LSR: variants seen among roughly 807,000 people sequenced by gnomAD.
LSR encodes the protein lipolysis-stimulated lipoprotein receptor.
LSR carries 44 observed loss-of-function variants against 61.8 expected under a neutral mutation model. That is an observed-to-expected ratio of 0.71 (90% confidence interval 0.56 to 0.91). The LOEUF (loss-of-function observed/expected upper bound fraction) is 0.91. Among genes scored for constraint, LSR ranks in the 40% least tolerant of loss-of-function variants. The pLI, the probability that LSR is intolerant of heterozygous loss-of-function variation, is 0.00. For missense variants in LSR, 911 were observed against 830.5 expected, an observed-to-expected ratio of 1.10 and a Z score of -1.19; for synonymous variants, 397 against 350.6, an observed-to-expected ratio of 1.13 and a Z score of -1.48.
At chr19:35,262,778 A>G (rs1234239575) in intron 5 of LSR, 86 bp downstream of exon 5, 4 of 1,532,104 alleles carry the variant, frequency 2.6e-6, no homozygotes, top group Non-Finnish European at 3.5e-6. Context: ...CCCCCAGGAC[A>G]GTGGCGTTGG....
intron 3 of LSR, among the ~76,000 whole-genome samples, chr19:35,260,676 A>C (rs2065915606): frequency 6.6e-6 from 1 of 152,080 alleles, no homozygotes; most frequent in African/African-American, 2.4e-5. Context: ...AAAATTTTAA[A>C]ATTAACCAGG....
Position 35,259,083 on chromosome 19 carries a change from GGGGAGGCATGGCCCTTCCT to G in LSR, c.574+20_574+38del. The G allele has an allele frequency of 6.2e-7, 1 of 1,608,722 alleles. No homozygotes were observed. Among genetic ancestry groups the G allele is most frequent in the Non-Finnish European group, 8.5e-7 (1 of 1,176,628 alleles). On this transcript the variant is annotated intron_variant, in intron 3 of 9. Coordinates refer to ENST00000605618, the MANE Select transcript of LSR (RefSeq NM_205834.4). ...GTCCTTGGTGAGTGGGCCTGGGAAGGGGGAGGCATGGCCCTTCCTTTTGTCCGCTTCTGTTCTGTCTGCC... is the reference window on the plus strand; with the variant it reads ...GTCCTTGGTGAGTGGGCCTGGGAAGGTTTGTCCGCTTCTGTTCTGTCTGCC...
rs1224478532 is a variant in LSR, at chr19:35,267,340, A to T, written c.1376A>T (p.Glu459Val). Reference protein sequence around the residue: ...LDDLTPPSTAESGSRSPTSNG... With the variant: ...LDDLTPPSTAVSGSRSPTSNG... ...GACCTCACCCCGCCGAGCACCGCCG[A>T]GTCAGGGAGCAGGTCTCCCACGAGT... Residue 459 changes from glutamate to valine, a missense_variant, in exon 9 of 10, where the codon GAG becomes GTG. By Grantham distance (121) the Glu-to-Val change is moderately radical. Coordinates refer to ENST00000605618, the MANE Select transcript of LSR (RefSeq NM_205834.4). 6.4e-7 allele frequency: 1 copy of T among 1,574,322 alleles called. No individual in the cohort carries two copies. The highest frequency in any genetic ancestry group is 8.6e-7 in the Non-Finnish European group (1 of 1,160,486).
Position 35,266,448 on chromosome 19 carries a change from C to G in LSR, c.868C>G (p.Pro290Ala), listed in dbSNP as rs753038064. The change falls in exon 6 of 10, where the codon CCC becomes GCC. Residue 290 changes from proline to alanine, a missense_variant. Coordinates refer to ENST00000605618, the MANE Select transcript of LSR (RefSeq NM_205834.4). Reference protein sequence around the residue: ...YAHLSPAKTPPPPAMIPMGPA... With the variant: ...YAHLSPAKTPAPPAMIPMGPA... ...CCACCTGTCTCCCGCCAAGACCCCA[C>G]CCCCACCAGCTATGATTCCCATGGG... 7 of 1,612,610 alleles carry G rather than the reference C, an allele frequency of 4.3e-6. No homozygotes were observed. The East Asian group carries it at 1.6e-4, about 36-fold the overall frequency.
chr19:35,254,109 T>C (rs769478908), intron 2 of LSR, among the ~76,000 whole-genome samples: 1 of 152,160 alleles, frequency 6.6e-6, no homozygotes, highest in Non-Finnish European at 1.5e-5. Context: ...GGGGTTTTTC[T>C]GTTGTTGTTG....
chr19:35,259,795 G>T (rs1374195244), intron 3 of LSR, among the ~76,000 whole-genome samples: 1 of 152,242 alleles, frequency 6.6e-6, no homozygotes, highest in Non-Finnish European at 1.5e-5. Context: ...GCCCTGCTGG[G>T]ATGGCGCTGC....
intron 3 of LSR, among the ~76,000 whole-genome samples, chr19:35,260,983 T>C (rs2065920996): frequency 6.6e-6 from 1 of 152,238 alleles, no homozygotes; most frequent in Admixed American, 6.5e-5. Flanking sequence ...ATTTCTTCTT[T>C]TGGCCTTGTG....
In LSR at chr19:35,266,818, C is replaced by T; in HGVS notation, c.1013-18C>T. ...AGGATCCATCCTCCCAAACCGACCA[C>T]CACCCCCCTGTCCCTAGAAGTCCGC... On this transcript the variant is annotated intron_variant, in intron 7 of 9. Coordinates refer to ENST00000605618, the MANE Select transcript of LSR (RefSeq NM_205834.4). The T allele has an allele frequency of 1.2e-6, 2 of 1,606,956 alleles. No homozygotes were observed. Among genetic ancestry groups the T allele is most frequent in the Non-Finnish European group, 1.7e-6 (2 of 1,176,406 alleles).
chr19:35,250,340 C>G lies in LSR; in HGVS notation c.135C>G (p.Thr45=), dbSNP rs766984646. The G allele has an allele frequency of 1.9e-6, 3 of 1,559,424 alleles. No homozygotes were observed. The highest frequency in any genetic ancestry group is 2.3e-5 in the East Asian group (1 of 43,870). Residue 45 remains threonine (T), a synonymous_variant, in exon 2 of 10, where the codon ACC becomes ACG. Coordinates refer to ENST00000605618, the MANE Select transcript of LSR (RefSeq NM_205834.4). ...CTCCTGCCAGGGCCATCCAGGTGAC[C>G]GTGTCCAACCCCTACCACGTGGTGA... ...CTAPARAIQV[T]VSNPYHVVIL...
At chr19:35,249,207 G>T in intron 1 of LSR, 76 bp downstream of exon 1, 1 of 1,458,092 alleles carries the variant, frequency 6.9e-7, no homozygotes, top group Non-Finnish European at 9.1e-7. Flanking sequence ...GTTGGAGGCG[G>T]CGGGAAGCGG....
chr19:35,261,622 G>A (rs2065929959), intron 3 of LSR, among the ~76,000 whole-genome samples: 2 of 152,334 alleles, frequency 1.3e-5, no homozygotes, highest in Admixed American at 1.3e-4. Context: ...GGGGTGCTAA[G>A]ACCTATGAAT....
At chr19:35,257,074 G>A (rs973566110) in intron 2 of LSR, among the ~76,000 whole-genome samples, 14 of 152,150 alleles carry the variant, frequency 9.2e-5, no homozygotes, top group African/African-American at 3.4e-4. Context: ...CTGACCTCAA[G>A]TGATCCACCT....
chr19:35,262,467 C>A (rs554315858), intron 4 of LSR, 79 bp from the exon 5 acceptor site: 1 of 1,525,488 alleles, frequency 6.6e-7, no homozygotes, highest in African/African-American at 1.4e-5. Context: ...GTGCTGGCTC[C>A]GCACCATGTA....
chr19:35,256,340 CAT>C (rs1568442490), intron 2 of LSR, among the ~76,000 whole-genome samples: 1 of 151,800 alleles, frequency 6.6e-6, no homozygotes, highest in Non-Finnish European at 1.5e-5. Context: ...TATAGATTAA[CAT>C]AAATAAAATA....
chr19:35,266,178 C>G (rs1324603973), intron 5 of LSR, among the ~76,000 whole-genome samples, 181 bp from the exon 6 acceptor site: 1 of 152,196 alleles, frequency 6.6e-6, no homozygotes, highest in Admixed American at 6.5e-5. Flanking sequence ...GTCCCCCAGC[C>G]TCAGGGATGC....
At chr19:35,259,170 C>T in intron 3 of LSR, 106 bp downstream of exon 3, 1 of 1,408,978 alleles carries the variant, frequency 7.1e-7, no homozygotes, top group Admixed American at 2.1e-5. Flanking sequence ...ACCCTCTGGG[C>T]TCTGTCGCCT....
chr19:35,258,462 A>C lies in LSR; in HGVS notation c.455-483A>C, dbSNP rs1007158473. On this transcript the variant is annotated intron_variant, in intron 2 of 9. Coordinates refer to ENST00000605618, the MANE Select transcript of LSR (RefSeq NM_205834.4). ...GTGAAACTCCGATTCAAACAAAAAA[A>C]AAAAAAAGCTGGGCATGGTGGAGTG... is the stretch of plus-strand genomic sequence containing the variant. Among the ~76,000 whole-genome samples, 50 of 152,098 alleles carry C rather than the reference A, an allele frequency of 3.3e-4. 1 individual carries two copies. Among genetic ancestry groups the C allele is most frequent in the East Asian group, 1.4e-3 (7 of 5,180 alleles).
At chr19:35,249,279 C>A in intron 1 of LSR, 148 bp downstream of exon 1, 1 of 980,838 alleles carries the variant, frequency 1.0e-6, no homozygotes, top group Non-Finnish European at 1.4e-6. Context: ...ATCTGTTGCG[C>A]GCGGGAGTGA....
At position 35,252,656 on chromosome 19, in the gene LSR, A is replaced by G. The variant is rs925302358; in HGVS notation, c.454+1997A>G. Among the ~76,000 whole-genome samples, 151 of 151,452 alleles carry G rather than the reference A, an allele frequency of 1.0e-3. 1 individual carries two copies. The highest frequency in any genetic ancestry group is 3.5e-3 in the African/African-American group (143 of 41,308). On this transcript the variant is annotated intron_variant, in intron 2 of 9. Coordinates refer to ENST00000605618, the MANE Select transcript of LSR (RefSeq NM_205834.4). The stretch of plus-strand genomic sequence containing the variant: ...AGAGTGAGACTCTGTCTCAAAAAAA[A>G]AAAAAAAAAAAAAGACTCCGTCAAG...
Sources: allele counts gnomAD v4.1 joint callset (sites outside exome capture counted in the v4.1 genomes callset), GRCh38; gene constraint gnomAD v4.1.1; transcripts MANE v1.5; gene names NCBI Gene and HGNC (gene_info 2026-07-23, HGNC 2026-07-21).